HIVEP1: variants seen among roughly 807,000 people sequenced by gnomAD.
HIVEP1 encodes zinc finger protein 40.
Under a neutral mutation model 180.0 loss-of-function variants are expected in HIVEP1, and 36 were observed. The observed-to-expected ratio is 0.20, with a 90% CI of 0.15 to 0.26. The LOEUF (loss-of-function observed/expected upper bound fraction) is 0.26. HIVEP1 is among the 10% of genes least tolerant of loss of function. The probability of loss-of-function intolerance (pLI) is 1.00; values close to 1 mark genes in which losing one functional copy is unlikely to be tolerated. For missense variants in HIVEP1, 3,143 were observed against 3,268.7 expected (o/e 0.96, Z 0.94); for synonymous variants, 1,239 against 1,239.0 (o/e 1.00, Z 0.00).
chr6:12,068,376 C>T (rs1581618911), intron 2 of HIVEP1, among the ~76,000 whole-genome samples: 1 of 152,160 alleles, frequency 6.6e-6, no homozygotes, highest in East Asian at 1.9e-4. Flanking sequence ...AGGCACGAGC[C>T]ACCATGCCCA....
intron 7 of HIVEP1, among the ~76,000 whole-genome samples, chr6:12,143,722 A>G (rs1234690799): frequency 1.3e-5 from 2 of 152,236 alleles, no homozygotes; most frequent in African/African-American, 4.8e-5. Context: ...AAAAATCACA[A>G]GCATTCCTAT....
chr6:12,011,489 C>CCCGCCCCT (rs1283283307), upstream of HIVEP1, among the ~76,000 whole-genome samples: 188 of 151,172 alleles, frequency 1.2e-3, 2 homozygotes, highest in Admixed American at 4.9e-3. Flanking sequence ...ACTGGCCGGG[C>CCCGCCCCT]CCGCCCCTCC....
At chr6:12,163,175 AT>A in intron 8 of HIVEP1, 107 bp from the exon 9 acceptor site, 1 of 857,218 alleles carries the variant, frequency 1.2e-6, no homozygotes, top group South Asian at 1.7e-5. Flanking sequence ...ATCAATGCAA[AT>A]ATACTTACTT....
chr6:12,018,019 G>C (rs966635228), intron 2 of HIVEP1, among the ~76,000 whole-genome samples: 3 of 152,212 alleles, frequency 2.0e-5, no homozygotes, highest in African/African-American at 7.2e-5. Flanking sequence ...CCCATGGCGT[G>C]GGGGGTGCTT....
chr6:12,197,916 T>C, the HIVEP1 span, among the ~76,000 whole-genome samples: 6 of 152,132 alleles, frequency 3.9e-5, no homozygotes, highest in African/African-American at 1.4e-4. Context: ...AAGAATGTCA[T>C]AGAAATTTAG....
chr6:12,125,612 A>C lies in HIVEP1; in HGVS notation c.5817A>C (p.Thr1939=). The C allele has an allele frequency of 6.2e-7, 1 of 1,614,212 alleles. No individual in the cohort carries two copies. Among genetic ancestry groups the C allele is most frequent in the Non-Finnish European group, 8.5e-7 (1 of 1,180,040 alleles). ...QQLAFPSLKT[T]TNFTWCYLLR... ...TGGCTTTCCCTAGCCTGAAAACTAC[A>C]ACCAACTTTACATGGTGTTATCTCT... The change falls in exon 4 of 9, where the codon ACA becomes ACC. Residue 1939 remains threonine (T), a synonymous_variant. Transcript: ENST00000379388.
intron 2 of HIVEP1, among the ~76,000 whole-genome samples, chr6:12,047,187 A>G (rs1193431355): frequency 6.6e-6 from 1 of 152,150 alleles, no homozygotes; most frequent in East Asian, 1.9e-4. Context: ...ATAAAATACT[A>G]TTCCAATACT....
At chr6:12,008,482 G>A (rs1053036361), upstream of HIVEP1, 3 of 152,304 alleles carry the variant, frequency 2.0e-5, no homozygotes, top group African/African-American at 4.8e-5. Flanking sequence ...GATCACTAGA[G>A]GGGTGGATTG....
Position 12,164,047 on chromosome 6 carries a change from A to G in HIVEP1, c.7743A>G (p.Thr2581=). Residue 2581 remains threonine, a synonymous_variant, in exon 9 of 9, where the codon ACA becomes ACG. Coordinates refer to ENST00000379388, the MANE Select transcript of HIVEP1 (RefSeq NM_002114.4). ...CTTCCCAAAGCAAAGCATGCGAGAC[A>G]CAACCCAAGCAGACTTCTGTAGCCA... The part of the protein sequence containing the change: ...MPASQSKACE[T]QPKQTSVASA... 1 of 1,614,202 alleles carries G rather than the reference A, an allele frequency of 6.2e-7. No homozygotes were observed.
chr6:12,165,085 CA>C, downstream of HIVEP1: 1 of 499,700 alleles, frequency 2.0e-6, no homozygotes, highest in South Asian at 1.5e-5. Flanking sequence ...ATTCTTTCCA[CA>C]TTCCCCTCAA....
chr6:12,175,347 T>G, the HIVEP1 span, among the ~76,000 whole-genome samples: 24 of 152,334 alleles, frequency 1.6e-4, no homozygotes, highest in Non-Finnish European at 2.2e-4. Context: ...AGTTTTCTCA[T>G]CTGTAAGTTA....
intron 2 of HIVEP1, among the ~76,000 whole-genome samples, chr6:12,062,836 G>C (rs1771327808): frequency 6.6e-6 from 1 of 152,208 alleles, no homozygotes; most frequent in Non-Finnish European, 1.5e-5. Flanking sequence ...TTTGCGTATT[G>C]AAAGTATAGT....
At chr6:12,161,415 A>G in intron 7 of HIVEP1, 24 bp from the exon 8 acceptor site, 3 of 1,593,992 alleles carry the variant, frequency 1.9e-6, no homozygotes, top group Non-Finnish European at 2.6e-6. Flanking sequence ...ATTCCATCAC[A>G]TACCTCTTGG....
intron 2 of HIVEP1, among the ~76,000 whole-genome samples, chr6:12,065,694 T>TGTGTGC (rs1771527143): frequency 1.7e-5 from 1 of 60,404 alleles, no homozygotes; most frequent in African/African-American, 5.4e-5. Context: ...TGTGTGTGCG[T>TGTGTGC]GTGTGTGTGT....
chr6:12,184,566 C>T, the HIVEP1 span, among the ~76,000 whole-genome samples: 2 of 152,174 alleles, frequency 1.3e-5, no homozygotes, highest in Non-Finnish European at 2.9e-5. Context: ...TTGCAATCAA[C>T]GTAATGAAGC....
rs1581497706 is a variant in HIVEP1 at position 12,017,569 on chromosome 6, C to T, written c.40+1901C>T. On this transcript the variant is annotated intron_variant, in intron 2 of 8. Transcript: ENST00000379388. ...GCCTCCGGCAGCCTGCTTTTATTCTCCCGTCTGGCCCCACCCACATCCTGC... is the reference window on the plus strand; with the variant it reads ...GCCTCCGGCAGCCTGCTTTTATTCTTCCGTCTGGCCCCACCCACATCCTGC... Among the ~76,000 whole-genome samples the T allele has an allele frequency of 2.6e-5, 4 of 152,356 alleles. No individual in the cohort carries two copies. The South Asian group carries it at 8.3e-4, about 32-fold the overall frequency.
intron 7 of HIVEP1, among the ~76,000 whole-genome samples, chr6:12,136,329 C>T (rs145776492): frequency 8.5e-5 from 13 of 152,240 alleles, no homozygotes; most frequent in African/African-American, 2.9e-4. Flanking sequence ...ACTTAAAACC[C>T]CAGCCCTCAC....
chr6:12,195,800 G>T, the HIVEP1 span, among the ~76,000 whole-genome samples: 1 of 152,152 alleles, frequency 6.6e-6, no homozygotes, highest in Non-Finnish European at 1.5e-5. Flanking sequence ...ATAGATAACT[G>T]GTTTATGTAC....
intron 7 of HIVEP1, among the ~76,000 whole-genome samples, chr6:12,159,271 A>G (rs1760256550): frequency 6.6e-6 from 1 of 152,106 alleles, no homozygotes; most frequent in African/African-American, 2.4e-5. Context: ...CATCCTTGTT[A>G]GACTTTACAG....
Sources: allele counts gnomAD v4.1 joint callset (sites outside exome capture counted in the v4.1 genomes callset), GRCh38; gene constraint gnomAD v4.1.1; transcripts MANE v1.5; gene names NCBI Gene and HGNC (gene_info 2026-07-23, HGNC 2026-07-21).